The following STN1 variants were observed in gnomAD, a reference collection of about 807,000 sequenced individuals.
STN1 encodes the protein CST complex subunit STN1.
STN1 carries 29 observed loss-of-function variants against 45.5 expected under a neutral mutation model. The ratio of observed to expected loss-of-function variants is 0.64; its 90% CI spans 0.47 to 0.87. The LOEUF (loss-of-function observed/expected upper bound fraction) is 0.87. Among genes scored for constraint, STN1 ranks in the 40% least tolerant of loss-of-function variants. The probability of loss-of-function intolerance (pLI) is 0.00; values close to 1 mark genes in which losing one functional copy is unlikely to be tolerated. For missense variants in STN1, 376 were observed against 441.4 expected (o/e 0.85, Z 1.33); for synonymous variants, 148 against 159.0 (o/e 0.93, Z 0.52).
intron 8 of STN1, among the ~76,000 whole-genome samples, chr10:103,890,669 C>T (rs899031258): frequency 5.3e-5 from 8 of 152,210 alleles, no homozygotes; most frequent in South Asian, 2.1e-4. Flanking sequence ...CATCCTGGGA[C>T]GGTGTGGGAG....
chr10:103,879,895 G>A lies in STN1; in HGVS notation c.*2789C>T, dbSNP rs991397177. On this transcript the variant is annotated 3_prime_UTR_variant, in exon 10 of 10. Transcript: ENST00000224950. The stretch of plus-strand genomic sequence containing the variant: ...ATGGATTTGGTTTGAGCAACTGGAT[G>A]GAGCTACCTCTTCCTGAATCAGGGA... The A allele has an allele frequency of 2.6e-5, 4 of 152,340 alleles. No individual in the cohort carries two copies. Among genetic ancestry groups the A allele is most frequent in the African/African-American group, 9.6e-5 (4 of 41,476 alleles). The allele number at this position is 152,340 out of a possible 1,614,324, so 9.4% of individuals were successfully genotyped here.
In STN1 at chr10:103,917,581, G is replaced by C; in HGVS notation, c.14C>G (p.Ser5Cys). 6.2e-7 allele frequency: 1 copy of C among 1,613,986 alleles called. No homozygotes were observed. The highest frequency in any genetic ancestry group is 8.5e-7 in the Non-Finnish European group (1 of 1,179,920). Residue 5 changes from serine (S) to cysteine (C), a missense_variant, in exon 2 of 10, where the codon TCC becomes TGC. By Grantham distance (112) the Ser-to-Cys change is moderately radical. Transcript: ENST00000224950. MQPG[S>C]SRCEEETPSL... ...AGGGGTCTCCTCTTCACACCGGCTG[G>C]ATCCAGGCTGCATCAAGAGGCAGGG...
chr10:103,889,259 C>A, intron 8 of STN1, 115 bp from the exon 9 acceptor site: 1 of 672,622 alleles, frequency 1.5e-6, no homozygotes, highest in Non-Finnish European at 2.7e-6. Flanking sequence ...TAATAATCAT[C>A]TTCCCTACAC....
chr10:103,914,306 C>T (rs1237912692), intron 2 of STN1, among the ~76,000 whole-genome samples: 1 of 135,026 alleles, frequency 7.4e-6, no homozygotes, highest in Non-Finnish European at 1.5e-5. Flanking sequence ...AATACGACTT[C>T]TGTATGTTAT....
intron 2 of STN1, among the ~76,000 whole-genome samples, chr10:103,914,372 A>ATTTTT (rs1564636185): frequency 9.7e-5 from 8 of 82,702 alleles, no homozygotes; most frequent in African/African-American, 4.0e-4. Flanking sequence ...ATATATATAT[A>ATTTTT]TATTTTTTTT....
chr10:103,889,124 G>A lies in STN1; in HGVS notation c.897C>T (p.Asp299=). 1 of 1,613,324 alleles carries A rather than the reference G, an allele frequency of 6.2e-7. No individual in the cohort carries two copies. Among genetic ancestry groups the A allele is most frequent in the Non-Finnish European group, 8.5e-7 (1 of 1,179,328 alleles). Residue 299 remains aspartate (D), a synonymous_variant, in exon 9 of 10, where the codon GAC becomes GAT. Transcript: ENST00000224950. The stretch of plus-strand genomic sequence containing the variant: ...TGATCCGGTGGATCTTTCTGTGCAG[G>A]TCTTTGTCTTCTCTGGTTACCTAAA... The part of the protein sequence containing the change: ...NLYYVTREDK[D]LHRKIHRIIQ...
rs1157455532 is a variant in STN1, at chr10:103,899,011, A to G, written c.458-11T>C. 1 of 1,613,588 alleles carries G rather than the reference A, an allele frequency of 6.2e-7. No homozygotes were observed. The highest frequency in any genetic ancestry group is 1.7e-5 in the Admixed American group (1 of 59,934). ...GGTCGTCCACTTTATCTAACAAGTGACCAGAAAAAAGATGCTACAGAAATT... is the reference window on the plus strand; with the variant it reads ...GGTCGTCCACTTTATCTAACAAGTGGCCAGAAAAAAGATGCTACAGAAATT... On this transcript the variant is annotated splice_polypyrimidine_tract_variant and intron_variant, in intron 5 of 9. Transcript: ENST00000224950.
chr10:103,903,856 G>T (rs1267657274), intron 4 of STN1, among the ~76,000 whole-genome samples: 1 of 152,154 alleles, frequency 6.6e-6, no homozygotes, highest in Non-Finnish European at 1.5e-5. Context: ...TGAGGTATCT[G>T]CCTAAAAACA....
chr10:103,880,855 CAGG>C lies in STN1; in HGVS notation c.*1826_*1828del, dbSNP rs1048979450. ...GAAAGCCAAACGCGGAAAGTACTTC[CAGG>C]AGAAGGGAGTGGTCGACTGTGTGTG... On this transcript the variant is annotated 3_prime_UTR_variant, in exon 10 of 10. Coordinates refer to ENST00000224950, the MANE Select transcript of STN1 (RefSeq NM_024928.5). Among the ~76,000 whole-genome samples the C allele has an allele frequency of 2.0e-5, 3 of 152,042 alleles. No homozygotes were observed. Among genetic ancestry groups the C allele is most frequent in the African/African-American group, 7.2e-5 (3 of 41,384 alleles).
intron 3 of STN1, 23 bp from the exon 4 acceptor site, chr10:103,905,179 T>G: frequency 6.2e-7 from 1 of 1,608,734 alleles, no homozygotes; most frequent in Non-Finnish European, 8.5e-7. Flanking sequence ...AGCAAAAGGG[T>G]ATAAGAGAGA....
At chr10:103,899,347 T>G (rs989759030) in intron 5 of STN1, among the ~76,000 whole-genome samples, 5 of 152,228 alleles carry the variant, frequency 3.3e-5, no homozygotes, top group African/African-American at 9.6e-5. Context: ...GATGGGGAAC[T>G]GTCATATTTC....
chr10:103,895,690 A>G (rs1843166684), intron 7 of STN1, among the ~76,000 whole-genome samples: 1 of 152,222 alleles, frequency 6.6e-6, no homozygotes, highest in Non-Finnish European at 1.5e-5. Context: ...TAGGAGCACA[A>G]ACAAAACTGA....
At chr10:103,888,649 G>T (rs935109447) in intron 9 of STN1, among the ~76,000 whole-genome samples, 2 of 152,168 alleles carry the variant, frequency 1.3e-5, no homozygotes, top group African/African-American at 4.8e-5. Flanking sequence ...GGAAATGTCA[G>T]GTTTGTGTTC....
At chr10:103,889,228 G>T in intron 8 of STN1, 84 bp from the exon 9 acceptor site, 1 of 852,370 alleles carries the variant, frequency 1.2e-6, no homozygotes, top group Non-Finnish European at 2.0e-6. Context: ...TTAGTATTCA[G>T]GATAGTTTCT....
intron 3 of STN1, 31 bp downstream of exon 3, chr10:103,910,496 T>A: frequency 6.2e-6 from 9 of 1,458,036 alleles, no homozygotes; most frequent in Non-Finnish European, 7.7e-6. Flanking sequence ...GCCTTCTACA[T>A]CAACTTCATT....
chr10:103,907,371 T>C (rs1393558405), intron 3 of STN1, among the ~76,000 whole-genome samples: 4 of 152,238 alleles, frequency 2.6e-5, no homozygotes, highest in Admixed American at 1.3e-4. Context: ...ATAATCCAAT[T>C]TATGTGCAAC....
At chr10:103,891,704 T>C (rs545247778) in intron 8 of STN1, among the ~76,000 whole-genome samples, 4 of 152,348 alleles carry the variant, frequency 2.6e-5, no homozygotes, top group South Asian at 2.1e-4. Context: ...TCTGTAAATG[T>C]ACAGATAAAT....
Position 103,877,773 on chromosome 10 carries a change from ACCATCT to A in STN1, c.*4905_*4910del, listed in dbSNP as rs1346042893. ...ACTGCAGAGTTCTTTGTCCACAGAC[ACCATCT>A]CCCTTCAGGATGGTCCTGCTTTTCC... On this transcript the variant is annotated 3_prime_UTR_variant, in exon 10 of 10. Transcript: ENST00000224950. 2 of 152,236 alleles carry A rather than the reference ACCATCT, an allele frequency of 1.3e-5. No individual in the cohort carries two copies. The highest frequency in any genetic ancestry group is 2.9e-5 in the Non-Finnish European group (2 of 68,050). The allele number at this position is 152,236 out of a possible 1,614,324, so 9.4% of individuals were successfully genotyped here.
chr10:103,885,589 G>C (rs1169446147), intron 9 of STN1, among the ~76,000 whole-genome samples: 5 of 152,106 alleles, frequency 3.3e-5, no homozygotes, highest in Non-Finnish European at 7.4e-5. Context: ...ATTTTTTGTA[G>C]AGACAGGGTC....
Sources: allele counts gnomAD v4.1 joint callset (sites outside exome capture counted in the v4.1 genomes callset), GRCh38; gene constraint gnomAD v4.1.1; transcripts MANE v1.5; gene names NCBI Gene and HGNC (gene_info 2026-07-23, HGNC 2026-07-21).